XPO7: variants seen among roughly 807,000 people sequenced by gnomAD.
The protein encoded by XPO7 is exportin-7.
XPO7 carries 21 observed loss-of-function variants against 144.3 expected under a neutral mutation model. The observed-to-expected ratio is 0.15, with a 90% CI of 0.10 to 0.21. XPO7 has a LOEUF of 0.21. Ranked by LOEUF, XPO7 falls within the 10% of genes least tolerant of loss-of-function variation. The pLI is 1.00. For synonymous variants in XPO7, 580 were observed against 499.6 expected, an observed-to-expected ratio of 1.16 and a Z score of -2.15; for missense variants, 808 against 1,325.8, an observed-to-expected ratio of 0.61 and a Z score of 6.06.
intron 16 of XPO7, among the ~76,000 whole-genome samples, chr8:21,989,297 T>C (rs992179350): frequency 6.6e-6 from 1 of 152,220 alleles, no homozygotes; most frequent in Non-Finnish European, 1.5e-5. Context: ...CCTGATAGTT[T>C]AGTACAGATT....
intron 1 of XPO7, among the ~76,000 whole-genome samples, chr8:21,938,034 G>A (rs1810876585): frequency 6.6e-6 from 1 of 151,508 alleles, no homozygotes; most frequent in Non-Finnish European, 1.5e-5. Flanking sequence ...AATAGCTGTT[G>A]GTGTCTCACA....
chr8:21,948,064 T>G (rs1167059769), intron 1 of XPO7, among the ~76,000 whole-genome samples: 3 of 152,220 alleles, frequency 2.0e-5, no homozygotes, highest in Non-Finnish European at 1.5e-5. Context: ...TAGAATAGAT[T>G]AATTCAAAGT....
intron 1 of XPO7, among the ~76,000 whole-genome samples, chr8:21,942,621 A>G (rs911046628): frequency 2.6e-5 from 4 of 152,220 alleles, no homozygotes; most frequent in Non-Finnish European, 5.9e-5. Flanking sequence ...GAGTATTTCA[A>G]TAGCCTTTTA....
intron 1 of XPO7, among the ~76,000 whole-genome samples, chr8:21,942,406 A>T (rs1424499786): frequency 6.6e-6 from 1 of 152,220 alleles, no homozygotes; most frequent in East Asian, 1.9e-4. Context: ...TTATTGTGAG[A>T]AGCTTTTTCA....
intron 7 of XPO7, 48 bp downstream of exon 7, chr8:21,976,569 G>A: frequency 6.4e-7 from 1 of 1,564,494 alleles, no homozygotes; most frequent in Non-Finnish European, 8.7e-7. Context: ...CTCCCCTACA[G>A]AGTGTCTGTA....
intron 1 of XPO7, among the ~76,000 whole-genome samples, chr8:21,950,515 G>C (rs1283337675): frequency 6.6e-6 from 1 of 152,150 alleles, no homozygotes; most frequent in African/African-American, 2.4e-5. Flanking sequence ...CTGTTTTGGG[G>C]AACATTAGTG....
At chr8:21,963,288 T>A (rs1372505272) in intron 1 of XPO7, among the ~76,000 whole-genome samples, 1 of 152,236 alleles carries the variant, frequency 6.6e-6, no homozygotes, top group African/African-American at 2.4e-5. Flanking sequence ...ATTATGCTTA[T>A]GTCTAGTTCA....
In XPO7 at chr8:21,971,036, A is replaced by T. The variant is rs7006124; in HGVS notation, c.426+726A>T. ...GCGCCCTATACAGGTGTAGCTTTTTAAAAAAAAAATCTTTTATGCTGAATT... is the reference window on the plus strand; with the variant it reads ...GCGCCCTATACAGGTGTAGCTTTTTTAAAAAAAAATCTTTTATGCTGAATT... On this transcript the variant is annotated intron_variant, in intron 4 of 27. Transcript: ENST00000252512. 7.0e-3 allele frequency among the ~76,000 whole-genome samples: 1,056 copies of T among 149,878 alleles called. 8 individuals are homozygous for T. Among genetic ancestry groups the T allele is most frequent in the African/African-American group, 0.022 (899 of 40,144 alleles).
rs574203843 is a variant in XPO7 at position 21,959,408 on chromosome 8, AG to A, written c.19-7446del. 7.9e-5 allele frequency among the ~76,000 whole-genome samples: 12 copies of A among 152,350 alleles called. No individual in the cohort carries two copies. The South Asian group carries it at 8.3e-4, about 11-fold the overall frequency. On this transcript the variant is annotated intron_variant, in intron 1 of 27. Coordinates refer to ENST00000252512, the MANE Select transcript of XPO7 (RefSeq NM_015024.5). ...TGGGTGTTATTTCTATGTAAAAGAA[AG>A]GGAAAATATTTGAATGATTTGAGTA...
At chr8:21,955,088 G>GT in intron 1 of XPO7, among the ~76,000 whole-genome samples, 1 of 152,142 alleles carries the variant, frequency 6.6e-6, no homozygotes, top group Non-Finnish European at 1.5e-5. Context: ...TGCAAATTTG[G>GT]GTTCTCAAAT....
intron 18 of XPO7, 120 bp downstream of exon 18, chr8:21,991,039 A>C (rs1345029582): frequency 1.2e-6 from 1 of 857,538 alleles, no homozygotes; most frequent in Non-Finnish European, 1.9e-6. Context: ...TAACAAAACT[A>C]TCTGAAATAA....
At chr8:21,925,172 G>T (rs1328903647) in intron 1 of XPO7, among the ~76,000 whole-genome samples, 1 of 152,156 alleles carries the variant, frequency 6.6e-6, no homozygotes, top group African/African-American at 2.4e-5. Context: ...ATTCTCAATG[G>T]AATGGGATTG....
Position 22,003,335 on chromosome 8 carries a change from C to T in XPO7, c.3042+18C>T, listed in dbSNP as rs202110245. On this transcript the variant is annotated intron_variant, in intron 26 of 27. Coordinates refer to ENST00000252512, the MANE Select transcript of XPO7 (RefSeq NM_015024.5). ...ATGAAAAGGTGAGAGAGCCAGCTCC[C>T]TGGTGCCAACCCAGAAGCAGTGGCA... 27 of 1,591,666 alleles carry T rather than the reference C, an allele frequency of 1.7e-5. No homozygotes were observed. The East Asian group carries it at 5.9e-4, about 35-fold the overall frequency.
chr8:21,960,622 C>A (rs1167271071), intron 1 of XPO7, among the ~76,000 whole-genome samples: 2 of 152,208 alleles, frequency 1.3e-5, no homozygotes, highest in African/African-American at 4.8e-5. Context: ...GACTTGCCAT[C>A]CTTATCTCAT....
chr8:21,992,703 G>A (rs746833309), intron 19 of XPO7, among the ~76,000 whole-genome samples: 9 of 152,094 alleles, frequency 5.9e-5, no homozygotes, highest in Non-Finnish European at 8.8e-5. Context: ...CACGAGACAC[G>A]ATGCCCAGTG....
chr8:21,991,613 T>A, intron 18 of XPO7: 1 of 343,130 alleles, frequency 2.9e-6, no homozygotes, highest in Non-Finnish European at 5.3e-6. Flanking sequence ...TACACACATA[T>A]GAATCTCTTG....
chr8:22,003,088 A>G (rs145738813), intron 25 of XPO7, 131 bp from the exon 26 acceptor site: 29 of 518,092 alleles, frequency 5.6e-5, no homozygotes, highest in African/African-American at 5.6e-4. Context: ...AAGCTTCACA[A>G]ACTATTTGTC....
intron 1 of XPO7, among the ~76,000 whole-genome samples, chr8:21,938,501 C>T (rs1810890233): frequency 1.3e-5 from 2 of 152,112 alleles, no homozygotes; most frequent in African/African-American, 2.4e-5. Context: ...ACTCAATTTT[C>T]TCACCATTTT....
chr8:21,955,695 A>G (rs996464235), intron 1 of XPO7, among the ~76,000 whole-genome samples: 1 of 144,382 alleles, frequency 6.9e-6, no homozygotes, highest in African/African-American at 2.6e-5. Context: ...GCATGGCCAT[A>G]TAACTCATGG....
Sources: allele counts gnomAD v4.1 joint callset (sites outside exome capture counted in the v4.1 genomes callset), GRCh38; gene constraint gnomAD v4.1.1; transcripts MANE v1.5; gene names NCBI Gene and HGNC (gene_info 2026-07-23, HGNC 2026-07-21).